The following MAD1L1 variants were observed in gnomAD, a reference collection of about 807,000 sequenced individuals.
The protein encoded by MAD1L1 is mitotic arrest deficient 1 like 1.
In MAD1L1, 95 loss-of-function variants were observed where a neutral mutation model predicts 96.9. The ratio of observed to expected loss-of-function variants is 0.98; its 90% confidence interval spans 0.83 to 1.16. The LOEUF (loss-of-function observed/expected upper bound fraction) is 1.16, where lower values mean the gene tolerates loss of function less well. Ranked by LOEUF, MAD1L1 falls within the 50% of genes most tolerant of loss-of-function variation. The probability of loss-of-function intolerance (pLI) is 0.00; values close to 1 mark genes in which losing one functional copy is unlikely to be tolerated. For synonymous variants in MAD1L1, 473 were observed against 396.6 expected, an observed-to-expected ratio of 1.19 and a Z score of -2.29; for missense variants, 1,007 against 954.4, an observed-to-expected ratio of 1.06 and a Z score of -0.73.
intron 18 of MAD1L1, among the ~76,000 whole-genome samples, chr7:1,894,720 G>C (rs1786759112): frequency 6.6e-6 from 1 of 152,114 alleles, no homozygotes. Flanking sequence ...GAGGGGGCGA[G>C]CGGGGTGCTA....
At chr7:2,067,211 ATCAGGCCATGTTCGCAGGCACCCGG>A (rs1562654375) in intron 12 of MAD1L1, among the ~76,000 whole-genome samples, 9 of 131,948 alleles carry the variant, frequency 6.8e-5, no homozygotes, top group African/African-American at 3.3e-4. Flanking sequence ...ACCCGGGGTC[ATCAGGCCATGTTCGCAGGCACCCGG>A]GGTCATCAGG....
chr7:1,979,365 AGAG>A (rs1413224849), intron 15 of MAD1L1, among the ~76,000 whole-genome samples: 13 of 152,202 alleles, frequency 8.5e-5, no homozygotes, highest in Admixed American at 8.5e-4. Context: ...CACTCAGAGC[AGAG>A]GAGTGGCCAA....
chr7:1,842,118 TG>T (rs1433940053), intron 18 of MAD1L1, among the ~76,000 whole-genome samples: 1 of 152,236 alleles, frequency 6.6e-6, no homozygotes, highest in Non-Finnish European at 1.5e-5. Context: ...AATTAGTACT[TG>T]GTAATATCAC....
intron 18 of MAD1L1, among the ~76,000 whole-genome samples, chr7:1,832,974 A>G (rs1333378492): frequency 6.6e-6 from 1 of 152,062 alleles, no homozygotes; most frequent in Non-Finnish European, 1.5e-5. Flanking sequence ...CCCAACCTTC[A>G]GCAACCACCA....
At chr7:2,046,993 T>C (rs1783953117) in intron 12 of MAD1L1, among the ~76,000 whole-genome samples, 1 of 152,198 alleles carries the variant, frequency 6.6e-6, no homozygotes, top group African/African-American at 2.4e-5. Context: ...GGATCAGTAA[T>C]GAATGGCCAC....
chr7:1,821,442 C>G (rs1352307214), intron 18 of MAD1L1, among the ~76,000 whole-genome samples: 2 of 152,108 alleles, frequency 1.3e-5, no homozygotes, highest in Non-Finnish European at 2.9e-5. Flanking sequence ...CACCTTTCCA[C>G]TATGAACCCT....
Position 1,918,600 on chromosome 7 carries a change from G to A in MAD1L1, c.1807+18087C>T, listed in dbSNP as rs565572650. Among the ~76,000 whole-genome samples, 12 of 152,326 alleles carry A rather than the reference G, an allele frequency of 7.9e-5. 1 individual carries two copies. The South Asian group carries it at 2.5e-3, about 32-fold the overall frequency. On this transcript the variant is annotated intron_variant, in intron 17 of 18. Transcript: ENST00000265854. ...TACCCTTCCTCTACCCCGCTCACCT[G>A]CAAACCCTGTGATTAAATCCCATGA...
chr7:2,067,250 C>G (rs911739560), intron 12 of MAD1L1, among the ~76,000 whole-genome samples: 1 of 150,318 alleles, frequency 6.7e-6, no homozygotes, highest in Non-Finnish European at 1.5e-5. Flanking sequence ...CATCAGGCCA[C>G]GTTCGCAGGC....
chr7:1,938,746 GCACA>G (rs71023370), intron 16 of MAD1L1, among the ~76,000 whole-genome samples: 3,751 of 99,512 alleles, frequency 0.038, 46 homozygotes, highest in Middle Eastern at 0.075. Flanking sequence ...AGGCGCGCAC[GCACA>G]CACACACACA....
At chr7:2,167,624 G>C (rs547650591) in intron 10 of MAD1L1, among the ~76,000 whole-genome samples, 1 of 152,092 alleles carries the variant, frequency 6.6e-6, no homozygotes, top group Non-Finnish European at 1.5e-5. Context: ...CAGCTACTCA[G>C]GAGGCTGAGG....
chr7:1,945,044 C>G (rs781212823), intron 16 of MAD1L1, among the ~76,000 whole-genome samples: 1 of 152,168 alleles, frequency 6.6e-6, no homozygotes, highest in Admixed American at 6.5e-5. Flanking sequence ...CTGGGAGAGA[C>G]AGTGGACACC....
chr7:2,010,009 C>A (rs1437325749), intron 13 of MAD1L1, among the ~76,000 whole-genome samples: 1 of 151,600 alleles, frequency 6.6e-6, no homozygotes, highest in East Asian at 1.9e-4. Flanking sequence ...ACAGCCCAGA[C>A]TCCAGGGTGG....
intron 10 of MAD1L1, among the ~76,000 whole-genome samples, chr7:2,159,954 G>A (rs888822519): frequency 2.0e-5 from 3 of 152,158 alleles, no homozygotes; most frequent in Non-Finnish European, 4.4e-5. Context: ...CTGGCCAGGC[G>A]CAGTGGCTCA....
intron 4 of MAD1L1, 93 bp from the exon 5 acceptor site, chr7:2,222,847 G>A (rs551034255): frequency 6.6e-5 from 73 of 1,111,594 alleles, no homozygotes; most frequent in Non-Finnish European, 8.5e-5. Context: ...AACATGCCGA[G>A]GCACAAAAAA....
chr7:1,838,644 C>G (rs927968739), intron 18 of MAD1L1: 1 of 416,924 alleles, frequency 2.4e-6, no homozygotes, highest in South Asian at 1.8e-5. Context: ...AGAGACAACA[C>G]AGACAGCGGC....
In MAD1L1 at chr7:1,822,429, C is replaced by CATATAT. The variant is rs1413432199; in HGVS notation, c.1999-6207_1999-6202dup. Among the ~76,000 whole-genome samples, 104 of 127,928 alleles carry CATATAT rather than the reference C, an allele frequency of 8.1e-4. 1 individual carries two copies. The highest frequency in any genetic ancestry group is 4.0e-3 in the Middle Eastern group (1 of 248). The allele number at this position is 127,928 out of a possible 152,430, so 83.9% of individuals were successfully genotyped here. Reference sequence around the variant, plus strand: ...AAGGTAATTGCTGTCCAAACCTCAGCATATATATATATATTTTTTTTTTTT... The same window carrying CATATAT: ...AAGGTAATTGCTGTCCAAACCTCAGCATATATATATATATATATATTTTTTTTTTTT... On this transcript the variant is annotated intron_variant, in intron 18 of 18. Coordinates refer to ENST00000265854, the MANE Select transcript of MAD1L1 (RefSeq NM_001013836.2).
intron 3 of MAD1L1, 110 bp from the exon 4 acceptor site, chr7:2,225,660 C>A: frequency 8.1e-7 from 1 of 1,230,698 alleles, no homozygotes; most frequent in East Asian, 2.5e-5. Flanking sequence ...CCGCAGGTCC[C>A]GTGCTAAGTC....
intron 12 of MAD1L1, among the ~76,000 whole-genome samples, chr7:2,064,500 C>A (rs550508756): frequency 6.6e-6 from 1 of 152,240 alleles, no homozygotes; most frequent in Non-Finnish European, 1.5e-5. Flanking sequence ...GCCTCTGGGC[C>A]AGGAACATAG....
rs552537617 is a variant in MAD1L1 at position 1,979,923 on chromosome 7, CA to C, written c.1505+529del. Among the ~76,000 whole-genome samples, 16 of 152,350 alleles carry C rather than the reference CA, an allele frequency of 1.1e-4. No homozygotes were observed. The South Asian group carries it at 3.3e-3, about 32-fold the overall frequency. ...AGGGACACTGAGAGACCCCTGCTGT[CA>C]GTGCTGGCTGGAGAAGTGCTGCTGA... On this transcript the variant is annotated intron_variant, in intron 15 of 18. Transcript: ENST00000265854.
Sources: gnomAD v4.1 joint callset for allele counts (sites outside exome capture counted in the v4.1 genomes callset) on GRCh38, gnomAD v4.1.1 for gene constraint, MANE v1.5 for transcripts, NCBI Gene and HGNC (gene_info 2026-07-23, HGNC 2026-07-21) for gene names.